NUBPL: variants seen among roughly 807,000 people sequenced by gnomAD.
NUBPL encodes iron-sulfur cluster transfer protein NUBPL.
Under a neutral mutation model 45.7 loss-of-function variants are expected in NUBPL, and 31 were observed. That is an observed-to-expected ratio of 0.68 (90% CI 0.51 to 0.92). The LOEUF (loss-of-function observed/expected upper bound fraction) is 0.92. Among genes scored for constraint, NUBPL ranks in the 40% least tolerant of loss-of-function variants. The pLI is 0.00. For missense variants in NUBPL, 401 were observed against 398.7 expected, an observed-to-expected ratio of 1.01 and a Z score of -0.05; for synonymous variants, 144 against 140.9, an observed-to-expected ratio of 1.02 and a Z score of -0.15.
At chr14:31,773,053 T>C (rs1158988404) in intron 6 of NUBPL, among the ~76,000 whole-genome samples, 1 of 152,198 alleles carries the variant, frequency 6.6e-6, no homozygotes, top group Admixed American at 6.5e-5. Context: ...GTTTATTGTA[T>C]ATTGTATCAT....
chr14:31,722,098 G>T (rs1044424154), intron 6 of NUBPL, among the ~76,000 whole-genome samples: 1 of 152,126 alleles, frequency 6.6e-6, no homozygotes, highest in South Asian at 2.1e-4. Flanking sequence ...CTGGGTTCAC[G>T]CCATTCTTCT....
At position 31,681,475 on chromosome 14, in the gene NUBPL, G is replaced by GTT. The variant is rs34283517; in HGVS notation, c.513+7910_513+7911dup. On this transcript the variant is annotated intron_variant, in intron 6 of 10. Coordinates refer to ENST00000281081, the MANE Select transcript of NUBPL (RefSeq NM_025152.3). ...TGCCAGATGTTTATAAACTTTACTGGTTTTTTTTTTCAAAAAAACCGACTT... is the reference window on the plus strand; with the variant it reads ...TGCCAGATGTTTATAAACTTTACTGGTTTTTTTTTTTTCAAAAAAACCGACTT... 2.4e-3 allele frequency among the ~76,000 whole-genome samples: 356 copies of GTT among 145,380 alleles called. 1 individual carries two copies. The highest frequency in any genetic ancestry group is 0.024 in the East Asian group (121 of 5,056).
rs2035441151 is a variant in NUBPL at position 31,634,767 on chromosome 14, T to C, written c.382+35388T>C. Among the ~76,000 whole-genome samples the C allele has an allele frequency of 2.6e-5, 4 of 151,440 alleles. No homozygotes were observed. In the South Asian group the frequency reaches 6.2e-4, roughly 24 times the overall value. On this transcript the variant is annotated intron_variant, in intron 4 of 10. Transcript: ENST00000281081. ...CAGCACCTGTTGTTTCCTGACTTTTTAATGATTGCCATTCTAACTGGTGTG... is the reference window on the plus strand; with the variant it reads ...CAGCACCTGTTGTTTCCTGACTTTTCAATGATTGCCATTCTAACTGGTGTG...
At chr14:31,820,687 G>A (rs1265843394) in intron 7 of NUBPL, among the ~76,000 whole-genome samples, 1 of 151,942 alleles carries the variant, frequency 6.6e-6, no homozygotes, top group Non-Finnish European at 1.5e-5. Context: ...AGCTGGGCAT[G>A]GTGGTGGGCG....
intron 4 of NUBPL, among the ~76,000 whole-genome samples, chr14:31,636,273 C>A (rs1337944942): frequency 6.6e-6 from 1 of 151,806 alleles, no homozygotes; most frequent in Non-Finnish European, 1.5e-5. Context: ...CCATCAATAC[C>A]TAATTTATTG....
chr14:31,756,519 A>T (rs894020490), intron 6 of NUBPL, among the ~76,000 whole-genome samples: 27 of 152,034 alleles, frequency 1.8e-4, no homozygotes, highest in Admixed American at 1.8e-3. Flanking sequence ...ATTGCTGTAT[A>T]AGAATGCTTG....
intron 4 of NUBPL, among the ~76,000 whole-genome samples, chr14:31,653,467 C>T (rs2120137): frequency 0.16 from 25,047 of 152,104 alleles, 5,895 homozygotes; most frequent in African/African-American, 0.53. Flanking sequence ...AAGAATTTAG[C>T]GATATCTCTC....
chr14:31,612,707 A>G (rs1447538620), intron 4 of NUBPL, among the ~76,000 whole-genome samples: 1 of 152,174 alleles, frequency 6.6e-6, no homozygotes, highest in African/African-American at 2.4e-5. Flanking sequence ...GGTGCTCAAC[A>G]TTACTGATCA....
intron 4 of NUBPL, among the ~76,000 whole-genome samples, chr14:31,648,278 A>C (rs969111461): frequency 6.6e-6 from 1 of 152,216 alleles, no homozygotes; most frequent in African/African-American, 2.4e-5. Flanking sequence ...TAAAAAATTA[A>C]AAGTATGTAT....
At chr14:31,758,006 G>A (rs8005763) in intron 6 of NUBPL, among the ~76,000 whole-genome samples, 24,101 of 151,832 alleles carry the variant, frequency 0.16, 5,431 homozygotes, top group African/African-American at 0.5. Flanking sequence ...TTTATTTCTC[G>A]ATATACAGGT....
chr14:31,858,190 A>G (rs1031848613), intron 10 of NUBPL, among the ~76,000 whole-genome samples: 1 of 152,144 alleles, frequency 6.6e-6, no homozygotes, highest in Non-Finnish European at 1.5e-5. Context: ...AAGCTATCAG[A>G]TCTCATGAGA....
intron 4 of NUBPL, among the ~76,000 whole-genome samples, chr14:31,631,702 G>T (rs550208174): frequency 1.1e-4 from 17 of 151,934 alleles, no homozygotes; most frequent in Non-Finnish European, 2.5e-4. Flanking sequence ...CACGTCCAAA[G>T]GCAGAAAACC....
At chr14:31,789,083 T>C (rs1196883577) in intron 7 of NUBPL, among the ~76,000 whole-genome samples, 1 of 152,094 alleles carries the variant, frequency 6.6e-6, no homozygotes, top group Non-Finnish European at 1.5e-5. Flanking sequence ...TCCCAGCACC[T>C]TGGGAGGCCG....
intron 6 of NUBPL, among the ~76,000 whole-genome samples, chr14:31,712,989 G>A (rs1336998691): frequency 6.6e-6 from 1 of 152,162 alleles, no homozygotes; most frequent in Non-Finnish European, 1.5e-5. Flanking sequence ...GGAGGGGTAA[G>A]GGAGCAACCT....
At chr14:31,596,007 T>C (rs935468959) in intron 3 of NUBPL, among the ~76,000 whole-genome samples, 1 of 151,402 alleles carries the variant, frequency 6.6e-6, no homozygotes, top group Non-Finnish European at 1.5e-5. Flanking sequence ...CCTGGGTTCA[T>C]GCCATTCTCC....
At chr14:31,601,193 C>T (rs1037789729) in intron 4 of NUBPL, among the ~76,000 whole-genome samples, 4 of 152,134 alleles carry the variant, frequency 2.6e-5, no homozygotes, top group Admixed American at 1.3e-4. Flanking sequence ...AGCGTGATGC[C>T]TCCAGCTTTG....
chr14:31,815,528 TC>T (rs755097907), intron 7 of NUBPL, among the ~76,000 whole-genome samples: 1 of 152,190 alleles, frequency 6.6e-6, no homozygotes, highest in Non-Finnish European at 1.5e-5. Context: ...ACCCTTTCTT[TC>T]TTTCTCTTGC....
chr14:31,834,805 A>G (rs1331152356), intron 8 of NUBPL, among the ~76,000 whole-genome samples: 2 of 152,216 alleles, frequency 1.3e-5, no homozygotes, highest in Non-Finnish European at 2.9e-5. Context: ...AATAACTTAC[A>G]TAAGAATATC....
chr14:31,806,004 A>G (rs1022405574), intron 7 of NUBPL, among the ~76,000 whole-genome samples: 1 of 152,204 alleles, frequency 6.6e-6, no homozygotes, highest in Non-Finnish European at 1.5e-5. Flanking sequence ...ATAATGACCA[A>G]TATGTGGTCA....
Sources: gnomAD v4.1 joint callset for allele counts (sites outside exome capture counted in the v4.1 genomes callset) on GRCh38, gnomAD v4.1.1 for gene constraint, MANE v1.5 for transcripts, NCBI Gene and HGNC (gene_info 2026-07-23, HGNC 2026-07-21) for gene names.